The following LRRTM4 variants were observed in gnomAD, a reference collection of about 807,000 sequenced individuals.
LRRTM4 encodes leucine-rich repeat transmembrane neuronal protein 4.
A neutral mutation model predicts 47.6 loss-of-function variants in LRRTM4; 25 were observed. That is an observed-to-expected ratio of 0.53 (90% CI 0.38 to 0.73). LRRTM4 has a LOEUF of 0.73. Among genes scored for constraint, LRRTM4 ranks in the 30% least tolerant of loss-of-function variants. The pLI is 0.00. For missense variants in LRRTM4, 638 were observed against 713.4 expected (o/e 0.89, Z 1.20); for synonymous variants, 311 against 269.5 (o/e 1.15, Z -1.51).
chr2:76,789,957 G>C (rs1674886832), intron 3 of LRRTM4, among the ~76,000 whole-genome samples: 1 of 152,132 alleles, frequency 6.6e-6, no homozygotes, highest in African/African-American at 2.4e-5. Flanking sequence ...CAGGACAACG[G>C]GTTGCTTGTT....
chr2:77,014,474 G>A (rs1378668573), intron 3 of LRRTM4, among the ~76,000 whole-genome samples: 1 of 145,394 alleles, frequency 6.9e-6, no homozygotes, highest in Non-Finnish European at 1.5e-5. Flanking sequence ...CTCATAAAAA[G>A]CATTGCAGAA....
intron 3 of LRRTM4, among the ~76,000 whole-genome samples, chr2:77,134,370 G>A (rs1243955714): frequency 1.3e-5 from 2 of 152,182 alleles, no homozygotes; most frequent in African/African-American, 4.8e-5. Flanking sequence ...TTGTTTTGAG[G>A]TTGATGACTC....
intron 3 of LRRTM4, among the ~76,000 whole-genome samples, chr2:77,027,963 T>G (rs565497277): frequency 4.3e-5 from 6 of 140,974 alleles, no homozygotes; most frequent in African/African-American, 1.5e-4. Flanking sequence ...CTCTCTTATC[T>G]AGTATTTGTT....
At chr2:77,026,174 A>C (rs531690109) in intron 3 of LRRTM4, among the ~76,000 whole-genome samples, 1 of 152,208 alleles carries the variant, frequency 6.6e-6, no homozygotes, top group Non-Finnish European at 1.5e-5. Context: ...CATTACAAGA[A>C]AAAAATATTT....
intron 3 of LRRTM4, among the ~76,000 whole-genome samples, chr2:76,771,177 A>G (rs1673686360): frequency 6.6e-6 from 1 of 152,222 alleles, no homozygotes; most frequent in Non-Finnish European, 1.5e-5. Context: ...TGACACAATC[A>G]CTGATTCCTC....
At chr2:77,413,883 C>T (rs941327741) in intron 3 of LRRTM4, among the ~76,000 whole-genome samples, 21 of 151,806 alleles carry the variant, frequency 1.4e-4, no homozygotes, top group Admixed American at 3.9e-4. Flanking sequence ...CCCATATATC[C>T]ATATGTTAAG....
intron 3 of LRRTM4, among the ~76,000 whole-genome samples, chr2:77,244,756 C>T (rs1675384568): frequency 1.3e-5 from 2 of 152,180 alleles, no homozygotes; most frequent in Non-Finnish European, 2.9e-5. Context: ...TTGCTCCTCC[C>T]TTTCTCAGTC....
chr2:76,830,400 ATATTT>A (rs1671312739), intron 3 of LRRTM4, among the ~76,000 whole-genome samples: 1 of 151,664 alleles, frequency 6.6e-6, no homozygotes, highest in Non-Finnish European at 1.5e-5. Flanking sequence ...TCACCTTCTG[ATATTT>A]TATTTTTTTA....
chr2:77,289,450 A>C (rs1187234455), intron 3 of LRRTM4, among the ~76,000 whole-genome samples: 1 of 152,092 alleles, frequency 6.6e-6, no homozygotes, highest in Non-Finnish European at 1.5e-5. Flanking sequence ...CAATTACCAG[A>C]ATCCCTGAGC....
chr2:77,428,621 T>G (rs1359510671), intron 3 of LRRTM4, among the ~76,000 whole-genome samples: 4 of 152,172 alleles, frequency 2.6e-5, no homozygotes, highest in East Asian at 1.9e-4. Flanking sequence ...CTCTAAATAA[T>G]TTTAGTATCA....
chr2:76,931,142 C>T (rs1674755627), intron 3 of LRRTM4, among the ~76,000 whole-genome samples: 1 of 152,014 alleles, frequency 6.6e-6, no homozygotes, highest in Admixed American at 6.6e-5. Context: ...AAAAAAATAA[C>T]TGAAAGAGAA....
intron 3 of LRRTM4, among the ~76,000 whole-genome samples, chr2:76,759,314 G>C (rs191688917): frequency 6.6e-6 from 1 of 152,260 alleles, no homozygotes; most frequent in Admixed American, 6.5e-5. Context: ...GTCTTCTCTA[G>C]AATAAAGCTC....
rs1026749971 is a variant in LRRTM4, at chr2:76,993,849, C to T, written c.1552-244933G>A. Among the ~76,000 whole-genome samples the T allele has an allele frequency of 3.9e-5, 6 of 151,982 alleles. No individual in the cohort carries two copies. In the East Asian group the frequency reaches 5.8e-4, roughly 15 times the overall value. ...ATTCACAATAGGAAAGATATGAAATCAACCTAGGTGTCCACCATTCATGGA... is the reference window on the plus strand; with the variant it reads ...ATTCACAATAGGAAAGATATGAAATTAACCTAGGTGTCCACCATTCATGGA... On this transcript the variant is annotated intron_variant, in intron 3 of 3. Transcript: ENST00000409884.
chr2:77,001,249 CACTT>C (rs1481495366), intron 3 of LRRTM4, among the ~76,000 whole-genome samples: 2 of 152,126 alleles, frequency 1.3e-5, no homozygotes, highest in East Asian at 1.9e-4. Flanking sequence ...AGAGAGAAGA[CACTT>C]ACTCTCCAGT....
intron 3 of LRRTM4, among the ~76,000 whole-genome samples, chr2:77,318,542 C>CTTTTTTG (rs1222120356): frequency 6.6e-6 from 1 of 152,108 alleles, no homozygotes; most frequent in Non-Finnish European, 1.5e-5. Flanking sequence ...GAAAATATAA[C>CTTTTTTG]TACCCTTTTC....
chr2:76,792,492 T>A (rs1675029523), intron 3 of LRRTM4, among the ~76,000 whole-genome samples: 1 of 152,050 alleles, frequency 6.6e-6, no homozygotes, highest in Non-Finnish European at 1.5e-5. Flanking sequence ...TCCTGAAGAG[T>A]TTGTAGTATA....
intron 3 of LRRTM4, among the ~76,000 whole-genome samples, chr2:77,089,560 G>A (rs1266730271): frequency 6.6e-6 from 1 of 151,640 alleles, no homozygotes; most frequent in East Asian, 2.0e-4. Context: ...CACTTTTCTG[G>A]AAGGTAAGAA....
intron 3 of LRRTM4, among the ~76,000 whole-genome samples, chr2:76,992,679 C>T (rs1336037779): frequency 1.3e-5 from 2 of 151,496 alleles, no homozygotes; most frequent in African/African-American, 2.4e-5. Flanking sequence ...GAATCAATAT[C>T]ATTAAGATGG....
intron 3 of LRRTM4, among the ~76,000 whole-genome samples, chr2:77,400,638 C>T (rs767082247): frequency 6.6e-6 from 1 of 151,828 alleles, no homozygotes; most frequent in Non-Finnish European, 1.5e-5. Context: ...GCCAGAAATT[C>T]GGTGAATTAT....
Sources: gnomAD v4.1 joint callset for allele counts (sites outside exome capture counted in the v4.1 genomes callset) on GRCh38, gnomAD v4.1.1 for gene constraint, MANE v1.5 for transcripts, NCBI Gene and HGNC (gene_info 2026-07-23, HGNC 2026-07-21) for gene names.